The following CDC20B variants were observed in gnomAD, a reference collection of about 807,000 sequenced individuals.
The protein encoded by CDC20B is cell division cycle 20B.
Under a neutral mutation model 64.1 loss-of-function variants are expected in CDC20B, and 58 were observed. That is an observed-to-expected ratio of 0.90 (90% confidence interval 0.73 to 1.13). The LOEUF is 1.13. Ranked by LOEUF, CDC20B falls within the 50% of genes most tolerant of loss-of-function variation. CDC20B has a pLI of 0.00. For synonymous variants in CDC20B, 243 were observed against 230.6 expected (o/e 1.05, Z -0.49); for missense variants, 597 against 633.0 (o/e 0.94, Z 0.61).
At chr5:55,165,055 T>G (rs1744308787) in intron 2 of CDC20B, 1 of 152,202 alleles carries the variant, frequency 6.6e-6, no homozygotes, top group African/African-American at 2.4e-5. Context: ...ATCATTTAAC[T>G]TGATTCCTTA....
intron 2 of CDC20B, among the ~76,000 whole-genome samples, chr5:55,153,619 A>AG (rs11452247): frequency 0.81 from 123,808 of 152,090 alleles, 50,441 homozygotes; most frequent in Middle Eastern, 0.86. Context: ...GGTGGACTGA[A>AG]GGTTTAGTCT....
chr5:55,167,134 T>C (rs774607635), intron 2 of CDC20B: 5 of 152,136 alleles, frequency 3.3e-5, no homozygotes, highest in Non-Finnish European at 5.9e-5. Flanking sequence ...AAGGACAAAA[T>C]CAAATGCATT....
chr5:55,145,060 T>A (rs1256266355), intron 3 of CDC20B, among the ~76,000 whole-genome samples: 1 of 152,190 alleles, frequency 6.6e-6, no homozygotes, highest in African/African-American at 2.4e-5. Context: ...CATACTTTTT[T>A]AAAAAATCAA....
At chr5:55,144,012 C>A (rs891924962) in intron 3 of CDC20B, among the ~76,000 whole-genome samples, 15 of 146,476 alleles carry the variant, frequency 1.0e-4, no homozygotes, top group East Asian at 2.0e-4. Context: ...AAAAAAAAAA[C>A]CAGATTTGCA....
intron 2 of CDC20B, chr5:55,160,490 T>C (rs960485660): frequency 2.2e-6 from 2 of 909,578 alleles, no homozygotes; most frequent in Non-Finnish European, 1.7e-6. Flanking sequence ...TACATGGTCA[T>C]AAGTTGGAAT....
chr5:55,167,347 T>G lies in CDC20B; in HGVS notation c.126+5241A>C, dbSNP rs148045992. Among the ~76,000 whole-genome samples, 301 of 152,358 alleles carry G rather than the reference T, an allele frequency of 2.0e-3. 1 individual carries two copies. The highest frequency in any genetic ancestry group is 6.8e-3 in the African/African-American group (281 of 41,594). ...TTTTTTAAATGTTTAACAATTACAC[T>G]GTATCAATAGTATATATACGTGTAC... On this transcript the variant is annotated intron_variant, in intron 2 of 11. Transcript: ENST00000381375.
chr5:55,160,133 C>T, intron 2 of CDC20B: 1 of 1,318,326 alleles, frequency 7.6e-7, no homozygotes, highest in Non-Finnish European at 1.1e-6. Flanking sequence ...AAGCCGGTTT[C>T]AAGTTTCAGC....
At chr5:55,135,336 TA>T (rs1397354500) in intron 5 of CDC20B, among the ~76,000 whole-genome samples, 3 of 152,164 alleles carry the variant, frequency 2.0e-5, no homozygotes, top group Non-Finnish European at 2.9e-5. Flanking sequence ...ATAGAACATA[TA>T]TTTTTTTATT....
chr5:55,160,891 AG>A (rs1744009270), intron 2 of CDC20B: 2 of 1,172,300 alleles, frequency 1.7e-6, no homozygotes, highest in African/African-American at 1.6e-5. Flanking sequence ...CATCAATCAG[AG>A]GTTATAGTCC....
intron 3 of CDC20B, among the ~76,000 whole-genome samples, chr5:55,145,984 CAT>C (rs373577998): frequency 6.6e-6 from 1 of 152,128 alleles, no homozygotes; most frequent in Non-Finnish European, 1.5e-5. Flanking sequence ...AACAAAAGCA[CAT>C]ATATATGTGT....
intron 6 of CDC20B, 119 bp from the exon 7 acceptor site, chr5:55,128,736 T>C (rs1742957892): frequency 3.0e-6 from 2 of 665,996 alleles, no homozygotes; most frequent in South Asian, 7.8e-5. Flanking sequence ...AGCTGGAAAA[T>C]GGAAACATGG....
intron 9 of CDC20B, among the ~76,000 whole-genome samples, chr5:55,121,344 GT>G (rs1408302817): frequency 6.6e-6 from 1 of 151,874 alleles, no homozygotes; most frequent in Non-Finnish European, 1.5e-5. Flanking sequence ...AGTTTTCCAC[GT>G]TTTAATAGAC....
Position 55,127,311 on chromosome 5 carries a change from A to C in CDC20B, c.935T>G (p.Leu312Arg). 1 of 1,614,160 alleles carries C rather than the reference A, an allele frequency of 6.2e-7. No homozygotes were observed. Among genetic ancestry groups the C allele is most frequent in the African/African-American group, 1.3e-5 (1 of 75,056 alleles). ...AGCCCCAACTACTGACAAATGACCA[A>C]GCATATTTCTCAGCCGCTTTTTAGT... is the stretch of plus-strand genomic sequence containing the variant. ...VVTKKRLRNM[L>R]GHLSVVGALS... The change falls in exon 8 of 12, where the codon CTT (leucine) becomes CGT (arginine). Residue 312 changes from leucine to arginine, a missense_variant. Leu to Arg is a moderately radical substitution (Grantham distance 102). This residue lies in a region of CDC20B where 353 missense variants were observed against 397.0 expected (regional missense o/e 0.89). Transcript: ENST00000381375.
chr5:55,129,384 G>C (rs535112923), intron 6 of CDC20B, among the ~76,000 whole-genome samples: 2 of 152,158 alleles, frequency 1.3e-5, no homozygotes, highest in East Asian at 1.9e-4. Context: ...GCAAACTGGC[G>C]GGGGGTAAGT....
chr5:55,149,329 A>T (rs1398326738), intron 2 of CDC20B, among the ~76,000 whole-genome samples: 3 of 152,228 alleles, frequency 2.0e-5, no homozygotes, highest in African/African-American at 7.2e-5. Context: ...TCAAAAAGAT[A>T]AACCTAGAAT....
chr5:55,162,570 T>C (rs1051032813), intron 2 of CDC20B, among the ~76,000 whole-genome samples: 1 of 152,230 alleles, frequency 6.6e-6, no homozygotes, highest in African/African-American at 2.4e-5. Context: ...TTCACATAAA[T>C]GTGAAGTCAG....
intron 2 of CDC20B, among the ~76,000 whole-genome samples, chr5:55,170,028 G>A (rs1262631701): frequency 6.6e-6 from 1 of 152,074 alleles, no homozygotes; most frequent in African/African-American, 2.4e-5. Flanking sequence ...GCAGGAGAAT[G>A]GCGTGAACCC....
At chr5:55,139,000 G>A (rs1248453494) in intron 5 of CDC20B, among the ~76,000 whole-genome samples, 1 of 149,844 alleles carries the variant, frequency 6.7e-6, no homozygotes, top group Non-Finnish European at 1.5e-5. Flanking sequence ...AAGAACTATA[G>A]GATATGGATC....
At chr5:55,160,769 T>C (rs1397672287) in intron 2 of CDC20B, 1 of 500,970 alleles carries the variant, frequency 2.0e-6, no homozygotes, top group Non-Finnish European at 3.4e-6. Flanking sequence ...AAAAATAAAC[T>C]TTCATGAGTA....
Sources: allele counts gnomAD v4.1 joint callset (sites outside exome capture counted in the v4.1 genomes callset), GRCh38; gene constraint gnomAD v4.1.1; regional missense constraint gnomAD v4.1.1; transcripts MANE v1.5; gene names NCBI Gene and HGNC (gene_info 2026-07-23, HGNC 2026-07-21).